The following ZNF583 variants were observed in gnomAD, a reference collection of about 807,000 sequenced individuals.
The protein encoded by ZNF583 is zinc finger protein 583.
In ZNF583, 30 loss-of-function variants were observed where a neutral mutation model predicts 55.3. That is an observed-to-expected ratio of 0.54 (90% CI 0.41 to 0.74). The LOEUF is 0.74. ZNF583 is among the 30% of genes least tolerant of loss of function. The pLI is 0.00. For synonymous variants in ZNF583, 208 were observed against 220.0 expected (o/e 0.95, Z 0.48); for missense variants, 504 against 664.7 (o/e 0.76, Z 2.66).
At position 56,409,786 on chromosome 19, in the gene ZNF583, C is replaced by T. The variant is rs539865651; in HGVS notation, c.9+2663C>T. ...TTACATATTTAATGTAATACTTATA[C>T]GTACGTGCTTAAAGCTACTGTGTTT... On this transcript the variant is annotated intron_variant, in intron 2 of 4. Coordinates refer to ENST00000333201, the MANE Select transcript of ZNF583 (RefSeq NM_152478.3). 9.2e-5 allele frequency among the ~76,000 whole-genome samples: 14 copies of T among 152,246 alleles called. No homozygotes were observed. In the South Asian group the frequency reaches 1.7e-3, roughly 18 times the overall value.
chr19:56,423,239 G>A lies in ZNF583; in HGVS notation c.581G>A (p.Arg194Gln), dbSNP rs141090852. 699 of 1,611,222 alleles carry A rather than the reference G, an allele frequency of 4.3e-4. 1 individual carries two copies. The African/African-American group carries it at 7.2e-3, about 17-fold the overall frequency. ...HKHEPQKKSY[R>Q]KKSVEMKHRK... ...CATGAACCACAAAAGAAAAGTTACCGAAAAAAATCTGTTGAAATGAAACAT... is the reference window on the plus strand; with the variant it reads ...CATGAACCACAAAAGAAAAGTTACCAAAAAAAATCTGTTGAAATGAAACAT... Residue 194 changes from arginine (R) to glutamine (Q), a missense_variant, in exon 5 of 5, where the codon CGA becomes CAA. Physicochemically the swap from Arg to Gln is conservative, Grantham distance 43. Around this residue, in one of 3 missense-constraint regions of ZNF583, gnomAD observed 204 missense variants for 235.2 expected, o/e 0.87. Coordinates refer to ENST00000333201, the MANE Select transcript of ZNF583 (RefSeq NM_152478.3).
At chr19:56,420,669 A>G (rs1465967753) in intron 4 of ZNF583, among the ~76,000 whole-genome samples, 1 of 152,136 alleles carries the variant, frequency 6.6e-6, no homozygotes, top group East Asian at 1.9e-4. Flanking sequence ...ATCTTTGGTA[A>G]TACTCAGTTT....
chr19:56,416,618 C>G (rs1302024684), intron 4 of ZNF583, among the ~76,000 whole-genome samples: 1 of 150,016 alleles, frequency 6.7e-6, no homozygotes, highest in Non-Finnish European at 1.5e-5. Context: ...CTTTGTCTAT[C>G]TCCTGTAGAT....
intron 4 of ZNF583, among the ~76,000 whole-genome samples, chr19:56,418,311 G>GT (rs2042359756): frequency 6.6e-6 from 1 of 152,110 alleles, no homozygotes; most frequent in South Asian, 2.1e-4. Flanking sequence ...GTAATGGTGT[G>GT]CGCTGGTAAT....
intron 4 of ZNF583, among the ~76,000 whole-genome samples, chr19:56,415,419 G>T (rs1197116681): frequency 1.3e-5 from 2 of 152,126 alleles, no homozygotes; most frequent in Non-Finnish European, 2.9e-5. Context: ...CAGAAAAATA[G>T]AATGATTTAG....
rs1163628746 is a variant in ZNF583, at chr19:56,404,605, CTGTG to C, written c.-90+156_-90+159del. On this transcript the variant is annotated intron_variant, in intron 1 of 4. Coordinates refer to ENST00000333201, the MANE Select transcript of ZNF583 (RefSeq NM_152478.3). This position sits in a 1 kb window ranked among gnomAD's most constrained non-coding sequence, Gnocchi z 5.2. ...GAATCGTGTGTGAGACCATGTGTGA[CTGTG>C]TGAGAATTTGAGACCGTGTGTGACA... is the stretch of plus-strand genomic sequence containing the variant. Among the ~76,000 whole-genome samples, 1 of 151,752 alleles carries C rather than the reference CTGTG, an allele frequency of 6.6e-6. No individual in the cohort carries two copies. The highest frequency in any genetic ancestry group is 1.5e-5 in the Non-Finnish European group (1 of 67,944).
chr19:56,407,205 T>C (rs2288862), intron 2 of ZNF583, 82 bp downstream of exon 2: 1,252,586 of 1,548,648 alleles, frequency 0.81, 507,692 homozygotes, highest in East Asian at 0.94. Flanking sequence ...TCTTCCAAAA[T>C]TCTGCAACCT....
chr19:56,406,410 G>T (rs75311070), intron 1 of ZNF583, among the ~76,000 whole-genome samples: 11,885 of 152,188 alleles, frequency 0.078, 781 homozygotes, highest in African/African-American at 0.18. Context: ...CTCCGATGAA[G>T]AGCCTTCATG....
In ZNF583 at chr19:56,423,718, T is replaced by C; in HGVS notation, c.1060T>C (p.Cys354Arg). Reference sequence around the variant, plus strand: ...TCATACAGGAGAGAAACCTTATGTGTGTAATGTGTGTGGGAAAGCCTTTAG... The same window carrying C: ...TCATACAGGAGAGAAACCTTATGTGCGTAATGTGTGTGGGAAAGCCTTTAG... Reference protein sequence around the residue: ...RIHTGEKPYVCNVCGKAFSHR... With the variant: ...RIHTGEKPYVRNVCGKAFSHR... The change falls in exon 5 of 5, where the codon TGT becomes CGT. Residue 354 changes from cysteine (C) to arginine (R), a missense_variant. Cys to Arg is a radical substitution (Grantham distance 180). This residue lies in a region of ZNF583 where 237 missense variants were observed against 373.0 expected (regional missense o/e 0.64). Coordinates refer to ENST00000333201, the MANE Select transcript of ZNF583 (RefSeq NM_152478.3). 1 of 1,613,986 alleles carries C rather than the reference T, an allele frequency of 6.2e-7. No homozygotes were observed. The highest frequency in any genetic ancestry group is 8.5e-7 in the Non-Finnish European group (1 of 1,179,986).
chr19:56,420,289 A>T (rs1221722559), intron 4 of ZNF583, among the ~76,000 whole-genome samples: 1 of 152,072 alleles, frequency 6.6e-6, no homozygotes, highest in African/African-American at 2.4e-5. Context: ...TAGAGAGCAT[A>T]CTCATCTTGG....
chr19:56,423,581 T>C lies in ZNF583; in HGVS notation c.923T>C (p.Ile308Thr). The C allele has an allele frequency of 1.9e-6, 3 of 1,612,008 alleles. No individual in the cohort carries two copies. Among genetic ancestry groups the C allele is most frequent in the Non-Finnish European group, 2.5e-6 (3 of 1,179,552 alleles). Reference sequence around the variant, plus strand: ...GAATGTAAAAAAGCCTTCAGCCAGATTGCACACCTGACTCAGCATCAGAGA... The same window carrying C: ...GAATGTAAAAAAGCCTTCAGCCAGACTGCACACCTGACTCAGCATCAGAGA... The part of the protein sequence containing the change: ...CKECKKAFSQ[I>T]AHLTQHQRVH... Residue 308 changes from isoleucine to threonine, a missense_variant, in exon 5 of 5, where the codon ATT becomes ACT. This residue lies in a region of ZNF583 where 237 missense variants were observed against 373.0 expected (regional missense o/e 0.64). Transcript: ENST00000333201.
chr19:56,404,104 A>G (rs1225094210), upstream of ZNF583: 9 of 151,012 alleles, frequency 6.0e-5, no homozygotes, highest in Admixed American at 5.3e-4. The surrounding 1 kb of genome is among the most constrained non-coding windows in gnomAD (Gnocchi z 5.2). Flanking sequence ...AACGGGTGGA[A>G]CGGGTGGGGG....
chr19:56,421,065 A>G (rs1052910268), intron 4 of ZNF583, among the ~76,000 whole-genome samples: 6 of 152,078 alleles, frequency 3.9e-5, no homozygotes, highest in African/African-American at 1.4e-4. Context: ...CTATAGTGCA[A>G]TGATGCTCAA....
At chr19:56,405,509 G>C (rs1156718082) in intron 1 of ZNF583, among the ~76,000 whole-genome samples, 1 of 152,062 alleles carries the variant, frequency 6.6e-6, no homozygotes, top group East Asian at 1.9e-4. Context: ...TGCTGTTGTG[G>C]TGGAGAGACA....
At chr19:56,410,893 C>T (rs553687416) in intron 2 of ZNF583, among the ~76,000 whole-genome samples, 2 of 152,064 alleles carry the variant, frequency 1.3e-5, no homozygotes, top group East Asian at 3.9e-4. Context: ...GCAGATTATA[C>T]TAACTATAAA....
In ZNF583 at chr19:56,423,748, C is replaced by G. The variant is rs550576809; in HGVS notation, c.1090C>G (p.Arg364Gly). 1.9e-6 allele frequency: 3 copies of G among 1,606,852 alleles called. No individual in the cohort carries two copies. The Admixed American group carries it at 5.1e-5, about 27-fold the overall frequency. ...TGTGTGTGGGAAAGCCTTTAGCCAT[C>G]GTGGATACCTAATTGTACATCAGAG... Reference protein sequence around the residue: ...CNVCGKAFSHRGYLIVHQRIH... With the variant: ...CNVCGKAFSHGGYLIVHQRIH... The change falls in exon 5 of 5, where the codon CGT becomes GGT. Residue 364 changes from arginine (R) to glycine (G), a missense_variant. Coordinates refer to ENST00000333201, the MANE Select transcript of ZNF583 (RefSeq NM_152478.3).
At chr19:56,416,235 G>C (rs2042319816) in intron 4 of ZNF583, among the ~76,000 whole-genome samples, 1 of 148,922 alleles carries the variant, frequency 6.7e-6, no homozygotes, top group Non-Finnish European at 1.5e-5. Flanking sequence ...CTGAGGCAGA[G>C]AATCACTTGA....
At chr19:56,417,636 C>T (rs1412003189) in intron 4 of ZNF583, among the ~76,000 whole-genome samples, 2 of 152,076 alleles carry the variant, frequency 1.3e-5, no homozygotes, top group South Asian at 2.1e-4. Context: ...TCTGCTGCCA[C>T]CTCTGTTGGA....
chr19:56,404,071 A>G (rs73621272), upstream of ZNF583: 4,696 of 152,564 alleles, frequency 0.031, 250 homozygotes, highest in African/African-American at 0.11. This position sits in a 1 kb window ranked among gnomAD's most constrained non-coding sequence, Gnocchi z 5.2. Flanking sequence ...GGGGACCTGA[A>G]CCAGCTGCGC....
Sources: allele counts gnomAD v4.1 joint callset (sites outside exome capture counted in the v4.1 genomes callset), GRCh38; gene constraint gnomAD v4.1.1; regional missense constraint gnomAD v4.1.1; non-coding constraint Gnocchi (gnomAD v3.1); transcripts MANE v1.5; gene names NCBI Gene and HGNC (gene_info 2026-07-23, HGNC 2026-07-21).